The following MIPEP variants were observed in gnomAD, a reference collection of about 807,000 sequenced individuals.
The protein encoded by MIPEP is mitochondrial intermediate peptidase.
In MIPEP, 79 loss-of-function variants were observed where a neutral mutation model predicts 90.3. The ratio of observed to expected loss-of-function variants is 0.87; its 90% CI spans 0.73 to 1.05. The LOEUF is 1.05. Among genes scored for constraint, MIPEP ranks in the 50% least tolerant of loss-of-function variants. The pLI, the probability that MIPEP is intolerant of heterozygous loss-of-function variation, is 0.00. For synonymous variants in MIPEP, 334 were observed against 315.8 expected (o/e 1.06, Z -0.61); for missense variants, 940 against 905.6 (o/e 1.04, Z -0.49).
intron 18 of MIPEP, among the ~76,000 whole-genome samples, chr13:23,746,165 G>C (rs1044089396): frequency 1.3e-5 from 2 of 150,726 alleles, no homozygotes; most frequent in African/African-American, 4.9e-5. Context: ...TACGTACATG[G>C]ACCACAGCCA....
chr13:23,785,464 G>A (rs895186118), intron 16 of MIPEP, among the ~76,000 whole-genome samples: 17 of 148,762 alleles, frequency 1.1e-4, no homozygotes, highest in South Asian at 2.2e-4. Context: ...ATCATACACC[G>A]GGGCCTGTCT....
chr13:23,821,731 T>C (rs1953307451), intron 14 of MIPEP, among the ~76,000 whole-genome samples: 1 of 152,214 alleles, frequency 6.6e-6, no homozygotes, highest in African/African-American at 2.4e-5. Context: ...AATAGTATAG[T>C]ATTTGCAGAT....
intron 18 of MIPEP, among the ~76,000 whole-genome samples, chr13:23,751,543 A>T (rs1159462547): frequency 6.6e-6 from 1 of 152,256 alleles, no homozygotes; most frequent in Non-Finnish European, 1.5e-5. Context: ...GCTTTTGGCC[A>T]GAGAGATTCT....
chr13:23,872,528 T>C (rs1028254690), intron 5 of MIPEP, among the ~76,000 whole-genome samples: 2 of 152,184 alleles, frequency 1.3e-5, no homozygotes, highest in Non-Finnish European at 2.9e-5. Flanking sequence ...TGATGATTTA[T>C]AGATTTTGTT....
At chr13:23,844,765 T>TTGGA (rs1329411498) in intron 10 of MIPEP, among the ~76,000 whole-genome samples, 1 of 152,200 alleles carries the variant, frequency 6.6e-6, no homozygotes, top group Non-Finnish European at 1.5e-5. Flanking sequence ...ATTTACTGTC[T>TTGGA]TATCCAATGA....
intron 14 of MIPEP, among the ~76,000 whole-genome samples, chr13:23,831,383 C>CGGGGGGGGGGGGGGGGGGGGGGT (rs1555237542): frequency 2.4e-5 from 1 of 40,856 alleles, no homozygotes; most frequent in Non-Finnish European, 5.9e-5. Context: ...TTCCCCATGG[C>CGGGGGGGGGGGGGGGGGGGGGGT]GGGGGGGGGA....
intron 7 of MIPEP, among the ~76,000 whole-genome samples, chr13:23,866,320 T>C (rs559670846): frequency 9.2e-5 from 14 of 152,174 alleles, no homozygotes; most frequent in African/African-American, 2.9e-4. Flanking sequence ...GCTCCTCAAC[T>C]AAGCTTTAAA....
In MIPEP at chr13:23,881,739, C is replaced by T. The variant is rs767787810; in HGVS notation, c.412G>A (p.Ala138Thr). 1.2e-6 allele frequency: 2 copies of T among 1,614,080 alleles called. No homozygotes were observed. Among genetic ancestry groups the T allele is most frequent in the African/African-American group, 1.3e-5 (1 of 75,066 alleles). The change falls in exon 3 of 19, where the codon GCG (alanine) becomes ACG (threonine). Residue 138 changes from alanine to threonine, a missense_variant. Coordinates refer to ENST00000382172, the MANE Select transcript of MIPEP (RefSeq NM_005932.4). ...AHPEPAFREA[A>T]EEACRSIGTM... Reference sequence around the variant, plus strand: ...CCAATACTTCTACAAGCTTCTTCCGCAGCTTCTCTGAATGCTGGCTCAGGG... The same window carrying T: ...CCAATACTTCTACAAGCTTCTTCCGTAGCTTCTCTGAATGCTGGCTCAGGG...
chr13:23,730,389 A>C lies in MIPEP; in HGVS notation c.2101T>G (p.Leu701Val). The change falls in exon 19 of 19, where the codon TTG (leucine) becomes GTG (valine). Residue 701 changes from leucine to valine, a missense_variant. By Grantham distance (32) the Leu-to-Val change is conservative. Coordinates refer to ENST00000382172, the MANE Select transcript of MIPEP (RefSeq NM_005932.4). ...DDFVSALVSD[L>V]DLDFETFLMD... ...AGGAAAGTTTCGAAGTCCAGATCCAAGTCGGAAACGAGGGCACTTACGAAG... is the reference window on the plus strand; with the variant it reads ...AGGAAAGTTTCGAAGTCCAGATCCACGTCGGAAACGAGGGCACTTACGAAG... The C allele has an allele frequency of 6.2e-7, 1 of 1,612,940 alleles. No individual in the cohort carries two copies. Among genetic ancestry groups the C allele is most frequent in the South Asian group, 1.1e-5 (1 of 90,952 alleles).
chr13:23,738,265 C>T (rs1593124966), intron 18 of MIPEP, among the ~76,000 whole-genome samples: 1 of 152,180 alleles, frequency 6.6e-6, no homozygotes, highest in East Asian at 1.9e-4. Context: ...TCTGAATGTG[C>T]CCCAACACAA....
At chr13:23,755,350 G>A (rs1020654151) in intron 18 of MIPEP, among the ~76,000 whole-genome samples, 1 of 152,162 alleles carries the variant, frequency 6.6e-6, no homozygotes, top group African/African-American at 2.4e-5. Context: ...TGAAGGCACT[G>A]CACAAATATT....
intron 16 of MIPEP, among the ~76,000 whole-genome samples, chr13:23,798,832 C>G (rs560484724): frequency 6.6e-6 from 1 of 152,110 alleles, no homozygotes; most frequent in South Asian, 2.1e-4. Context: ...TGAGCAGATG[C>G]CAGTGTTATG....
At chr13:23,852,130 T>C (rs893947238) in intron 10 of MIPEP, among the ~76,000 whole-genome samples, 3 of 152,104 alleles carry the variant, frequency 2.0e-5, no homozygotes, top group African/African-American at 7.2e-5. Context: ...GCATGAGGCA[T>C]GGGGAATTGC....
intron 14 of MIPEP, among the ~76,000 whole-genome samples, chr13:23,811,334 T>C (rs2137411851): frequency 6.6e-6 from 1 of 152,336 alleles, no homozygotes; most frequent in African/African-American, 2.4e-5. Context: ...AAATCTAACA[T>C]GACTGACTCC....
intron 14 of MIPEP, among the ~76,000 whole-genome samples, chr13:23,822,657 G>T (rs1190875932): frequency 2.6e-5 from 4 of 152,162 alleles, no homozygotes; most frequent in Non-Finnish European, 5.9e-5. Context: ...TGCAAGAGAG[G>T]ACTCCCAGTG....
At chr13:23,809,492 G>A (rs1593167078) in intron 15 of MIPEP, among the ~76,000 whole-genome samples, 1 of 152,076 alleles carries the variant, frequency 6.6e-6, no homozygotes, top group African/African-American at 2.4e-5. Flanking sequence ...TTATAAGCAT[G>A]CACCACCATG....
At chr13:23,828,368 G>A (rs1868572469) in intron 14 of MIPEP, among the ~76,000 whole-genome samples, 1 of 152,170 alleles carries the variant, frequency 6.6e-6, no homozygotes, top group Non-Finnish European at 1.5e-5. Flanking sequence ...TACGTGGTTG[G>A]AAAGGAAAAA....
intron 2 of MIPEP, 46 bp downstream of exon 2, chr13:23,886,287 C>T (rs1009220970): frequency 1.5e-6 from 2 of 1,352,278 alleles, no homozygotes; most frequent in Middle Eastern, 2.5e-4. Context: ...TAAATTTTAA[C>T]AAGTTGAAAG....
At chr13:23,738,519 G>A (rs536034513) in intron 18 of MIPEP, among the ~76,000 whole-genome samples, 1 of 150,636 alleles carries the variant, frequency 6.6e-6, no homozygotes, top group African/African-American at 2.4e-5. Flanking sequence ...GTGCAATCTC[G>A]GCTCACTGAA....
Sources: allele counts gnomAD v4.1 joint callset (sites outside exome capture counted in the v4.1 genomes callset), GRCh38; gene constraint gnomAD v4.1.1; transcripts MANE v1.5; gene names NCBI Gene and HGNC (gene_info 2026-07-23, HGNC 2026-07-21).